Variants in NAGPA observed in about 807,000 individuals in gnomAD.
NAGPA encodes the protein alpha-N-acetylglucosaminyl phosphodiesterase.
In NAGPA, 56 loss-of-function variants were observed where a neutral mutation model predicts 48.5. The observed-to-expected ratio is 1.15, with a 90% CI of 0.93 to 1.44. The LOEUF (loss-of-function observed/expected upper bound fraction) is 1.44, where lower values mean the gene tolerates loss of function less well. Among genes scored for constraint, NAGPA ranks in the 40% most tolerant of loss-of-function variants. The probability of loss-of-function intolerance (pLI) is 0.00; values close to 1 mark genes in which losing one functional copy is unlikely to be tolerated. For missense variants in NAGPA, 888 were observed against 735.0 expected (o/e 1.21, Z -2.41); for synonymous variants, 399 against 315.5 (o/e 1.26, Z -2.81).
At chr16:5,028,699 C>A in intron 5 of NAGPA, 181 bp downstream of exon 5, 2 of 909,104 alleles carry the variant, frequency 2.2e-6, no homozygotes, top group Admixed American at 1.8e-5. Flanking sequence ...TCTTTGCTGA[C>A]CAACTGACCC....
At chr16:5,031,275 C>T (rs572720536) in intron 3 of NAGPA, 1 of 243,586 alleles carries the variant, frequency 4.1e-6, no homozygotes, top group Non-Finnish European at 8.1e-6. Context: ...CTGTCCCCAT[C>T]CCAGTATTCT....
intron 4 of NAGPA, 122 bp from the exon 5 acceptor site, chr16:5,029,130 G>A (rs1317735238): frequency 7.9e-6 from 12 of 1,514,316 alleles, no homozygotes; most frequent in Admixed American, 3.4e-5. Context: ...AGTGGCCCCC[G>A]CCCCCAAGCA....
At chr16:5,030,760 C>T in intron 3 of NAGPA, 1 of 517,156 alleles carries the variant, frequency 1.9e-6, no homozygotes, top group Non-Finnish European at 3.5e-6. Flanking sequence ...ATCCAAAGAG[C>T]CAGCATGCCC....
Position 5,033,866 on chromosome 16 carries a change from C to G in NAGPA, c.49G>C (p.Gly17Arg), listed in dbSNP as rs558456065. ...CCGCCGGACGCTTCCCAGAGGAAGC[C>G]GAATAGTGCAAGCCGGAGGAGAAGC... is the stretch of plus-strand genomic sequence containing the variant. ...RWLLLRLALF[G>R]FLWEASGGLD... Residue 17 changes from glycine to arginine, a missense_variant, in exon 1 of 10, where the codon GGC becomes CGC. Gly to Arg is a moderately radical substitution (Grantham distance 125, BLOSUM62 -2). Coordinates refer to ENST00000312251, the MANE Select transcript of NAGPA (RefSeq NM_016256.4). This position sits in a 1 kb window ranked among gnomAD's most constrained non-coding sequence, Gnocchi z 4.2. The G allele has an allele frequency of 1.9e-6, 3 of 1,549,336 alleles. No homozygotes were observed. The East Asian group carries it at 7.3e-5, about 38-fold the overall frequency.
At position 5,031,783 on chromosome 16, in the gene NAGPA, T is replaced by G. The variant is rs575036159; in HGVS notation, c.644A>C (p.Glu215Ala). 6.2e-7 allele frequency: 1 copy of G among 1,614,170 alleles called. No individual in the cohort carries two copies. The highest frequency in any genetic ancestry group is 1.7e-5 in the Admixed American group (1 of 60,014). ...CTCGTCACACTCTGTGGCTTGGCTC[T>G]CGTTGATGTAGATGCTTCCATTACG... ...LIRNGSIYIN[E>A]SQATECDETQ... The change falls in exon 3 of 10, where the codon GAG becomes GCG. Residue 215 changes from glutamate to alanine, a missense_variant. Coordinates refer to ENST00000312251, the MANE Select transcript of NAGPA (RefSeq NM_016256.4).
In NAGPA at chr16:5,028,154, C is replaced by G; in HGVS notation, c.952G>C (p.Val318Leu). ...TCGTGCACACACACCACGGTGGACACTTGGCGGGGACAGCGCCACATGTTG... is the reference window on the plus strand; with the variant it reads ...TCGTGCACACACACCACGGTGGACAGTTGGCGGGGACAGCGCCACATGTTG... ...QDNMWRCPRQVSTVVCVHEPR... is the reference protein window; with the variant it reads ...QDNMWRCPRQLSTVVCVHEPR... Residue 318 changes from valine to leucine, a missense_variant, in exon 6 of 10, where the codon GTG (valine) becomes CTG (leucine). Transcript: ENST00000312251. 1 of 1,582,370 alleles carries G rather than the reference C, an allele frequency of 6.3e-7. No homozygotes were observed. Among genetic ancestry groups the G allele is most frequent in the Non-Finnish European group, 8.6e-7 (1 of 1,164,020 alleles).
At chr16:5,030,717 C>G (rs547163752) in intron 3 of NAGPA, 1 of 605,846 alleles carries the variant, frequency 1.7e-6, no homozygotes, top group African/African-American at 1.8e-5. Context: ...CAGGTGAAGA[C>G]CCTCTAATGG....
rs1956139887 is a variant in NAGPA, at chr16:5,033,394, A to G, written c.421T>C (p.Phe141Leu). 1 of 1,596,630 alleles carries G rather than the reference A, an allele frequency of 6.3e-7. No homozygotes were observed. Among genetic ancestry groups the G allele is most frequent in the Non-Finnish European group, 8.5e-7 (1 of 1,179,228 alleles). ...AGGCACTCGCCCGAGTTCATGCGGA[A>G]GAAGCCGCCGTTCTGGGCGACACGG... ...DCRVAQNGGF[F>L]RMNSGECLGN... The change falls in exon 2 of 10, where the codon TTC becomes CTC. Residue 141 changes from phenylalanine (F) to leucine (L), a missense_variant. Physicochemically the swap from Phe to Leu is conservative, Grantham distance 22 (BLOSUM62 0). Transcript: ENST00000312251. This position sits in a 1 kb window ranked among gnomAD's most constrained non-coding sequence, Gnocchi z 4.2.
chr16:5,027,480 G>C, intron 7 of NAGPA, 101 bp from the exon 8 acceptor site: 2 of 1,269,952 alleles, frequency 1.6e-6, no homozygotes, highest in Non-Finnish European at 2.3e-6. Context: ...CCCTGCCCAT[G>C]TGTACAGAGC....
chr16:5,027,656 C>G (rs1956026163), intron 7 of NAGPA, among the ~76,000 whole-genome samples, 190 bp downstream of exon 7: 1 of 152,196 alleles, frequency 6.6e-6, no homozygotes, highest in Non-Finnish European at 1.5e-5. Context: ...CTTGTTTTAG[C>G]CGAGCCCTTT....
At chr16:5,028,517 G>T in intron 5 of NAGPA, 1 of 603,276 alleles carries the variant, frequency 1.7e-6, no homozygotes, top group Non-Finnish European at 3.0e-6. Flanking sequence ...TTCCAGGCGT[G>T]AGCCCCTGTG....
At chr16:5,028,711 G>C (rs1306752127) in intron 5 of NAGPA, 169 bp downstream of exon 5, 3 of 1,015,436 alleles carry the variant, frequency 3.0e-6, no homozygotes, top group Non-Finnish European at 4.6e-6. Context: ...AACTGACCCT[G>C]CTCCTAGGCC....
intron 9 of NAGPA, among the ~76,000 whole-genome samples, chr16:5,026,383 T>C: frequency 6.6e-6 from 1 of 151,850 alleles, no homozygotes; most frequent in East Asian, 2.0e-4. Context: ...CTGTCTCTAC[T>C]AAAAATATGA....
rs1567143749 is a variant in NAGPA at position 5,033,872 on chromosome 16, G to A, written c.43C>T (p.Leu15=). 3.2e-6 allele frequency: 5 copies of A among 1,549,388 alleles called. No individual in the cohort carries two copies. The highest frequency in any genetic ancestry group is 4.4e-6 in the Non-Finnish European group (5 of 1,146,982). Residue 15 remains leucine, a synonymous_variant, in exon 1 of 10, where the codon CTA becomes TTA. Coordinates refer to ENST00000312251, the MANE Select transcript of NAGPA (RefSeq NM_016256.4). The surrounding 1 kb of genome is among the most constrained non-coding windows in gnomAD (Gnocchi z 4.2). ...TGRWLLLRLA[L]FGFLWEASGG... ...GACGCTTCCCAGAGGAAGCCGAATA[G>A]TGCAAGCCGGAGGAGAAGCCAGCGA... is the stretch of plus-strand genomic sequence containing the variant.
At chr16:5,032,103 A>G (rs1956111229) in intron 2 of NAGPA, among the ~76,000 whole-genome samples, 1 of 152,054 alleles carries the variant, frequency 6.6e-6, no homozygotes, top group Admixed American at 6.5e-5. Flanking sequence ...AATCCCCACA[A>G]GCCTTTGCAA....
rs1295004124 is a variant in NAGPA, at chr16:5,033,500, C to T, written c.315G>A (p.Ser105=). Residue 105 remains serine, a synonymous_variant, in exon 2 of 10, where the codon TCG becomes TCA. Coordinates refer to ENST00000312251, the MANE Select transcript of NAGPA (RefSeq NM_016256.4). The surrounding 1 kb of genome is among the most constrained non-coding windows in gnomAD (Gnocchi z 4.2). ...CGCCGGGTCCACCGGGCTCCAGCAC[C>T]GAGAAGGTGCGCAGGGGCTCAACGG... The part of the protein sequence containing the change: ...TRAVEPLRTF[S]VLEPGGPGGC... The T allele has an allele frequency of 1.9e-6, 3 of 1,556,356 alleles. No homozygotes were observed. The highest frequency in any genetic ancestry group is 1.9e-5 in the Admixed American group (1 of 53,860).
chr16:5,029,007 T>C lies in NAGPA; in HGVS notation c.793A>G (p.Ile265Val), dbSNP rs1555445214. ...AACTCCGCCATTTCCCACAGGTTGA[T>C]GCTGCGGCACAAAGCGGCGCTGCTC... is the stretch of plus-strand genomic sequence containing the variant. The part of the protein sequence containing the change: ...HADGQTEQRG[I>V]NLWEMAEFLL... Residue 265 changes from isoleucine to valine, a missense_variant and splice_region_variant, in exon 5 of 10, where the codon ATC (isoleucine) becomes GTC (valine). Transcript: ENST00000312251. 1 of 1,613,316 alleles carries C rather than the reference T, an allele frequency of 6.2e-7. No homozygotes were observed. Among genetic ancestry groups the C allele is most frequent in the Non-Finnish European group, 8.5e-7 (1 of 1,180,034 alleles).
At chr16:5,027,431 C>G in intron 7 of NAGPA, 52 bp from the exon 8 acceptor site, 1 of 1,578,012 alleles carries the variant, frequency 6.3e-7, no homozygotes, top group Non-Finnish European at 8.7e-7. Flanking sequence ...GTTGGGGCCT[C>G]CAGTGTCAGA....
chr16:5,032,556 G>A (rs1014170689), intron 2 of NAGPA, among the ~76,000 whole-genome samples: 2 of 151,470 alleles, frequency 1.3e-5, no homozygotes, highest in East Asian at 2.0e-4. Flanking sequence ...GCACACGTCC[G>A]TAGTCCCAGC....
Sources: gnomAD v4.1 joint callset for allele counts (sites outside exome capture counted in the v4.1 genomes callset) on GRCh38, gnomAD v4.1.1 for gene constraint, Gnocchi (gnomAD v3.1) non-coding constraint, MANE v1.5 for transcripts, NCBI Gene and HGNC (gene_info 2026-07-23, HGNC 2026-07-21) for gene names.